Variants in RASGRF1 observed in about 807,000 individuals in gnomAD.
RASGRF1 encodes Ras protein specific guanine nucleotide releasing factor 1.
RASGRF1 carries 40 observed loss-of-function variants against 138.7 expected under a neutral mutation model. The ratio of observed to expected loss-of-function variants is 0.29; its 90% CI spans 0.22 to 0.38. The LOEUF is 0.38. Ranked by LOEUF, RASGRF1 falls within the 10% of genes least tolerant of loss-of-function variation. The pLI is 1.00. For missense variants in RASGRF1, 1,108 were observed against 1,650.4 expected (o/e 0.67, Z 5.69); for synonymous variants, 614 against 663.2 (o/e 0.93, Z 1.14).
At chr15:79,068,328 G>A (rs1484143391) in intron 1 of RASGRF1, among the ~76,000 whole-genome samples, 5 of 151,558 alleles carry the variant, frequency 3.3e-5, no homozygotes, top group Non-Finnish European at 7.4e-5. Flanking sequence ...AAGAGCACTG[G>A]AAAGGGGGTC....
At chr15:79,059,508 A>G (rs2057568069) in intron 2 of RASGRF1, among the ~76,000 whole-genome samples, 1 of 151,846 alleles carries the variant, frequency 6.6e-6, no homozygotes, top group African/African-American at 2.4e-5. Context: ...CAGAGTGAGA[A>G]GGGAACTTGG....
At chr15:79,016,335 G>A (rs1323818675) in intron 12 of RASGRF1, among the ~76,000 whole-genome samples, 2 of 152,240 alleles carry the variant, frequency 1.3e-5, no homozygotes, top group Non-Finnish European at 1.5e-5. Flanking sequence ...ACCCCAAAGA[G>A]GGAGGCTTCT....
chr15:79,079,410 A>G (rs1309130464), intron 1 of RASGRF1, among the ~76,000 whole-genome samples: 1 of 151,220 alleles, frequency 6.6e-6, no homozygotes, highest in Non-Finnish European at 1.5e-5. Context: ...CATTTGTAAT[A>G]GCAAAATACT....
chr15:79,052,862 A>G (rs2057451270), intron 3 of RASGRF1, among the ~76,000 whole-genome samples: 1 of 152,102 alleles, frequency 6.6e-6, no homozygotes, highest in Non-Finnish European at 1.5e-5. Flanking sequence ...GAGGGTGGCC[A>G]TGGAGAGGGG....
intron 15 of RASGRF1, among the ~76,000 whole-genome samples, chr15:79,002,675 T>A (rs1352220294): frequency 6.6e-6 from 1 of 152,256 alleles, no homozygotes; most frequent in Non-Finnish European, 1.5e-5. Context: ...TTTCAGAATG[T>A]GAAATTATGA....
intron 2 of RASGRF1, among the ~76,000 whole-genome samples, chr15:79,061,420 A>ATATATATATATATATATATATATATATT: frequency 6.9e-6 from 1 of 145,904 alleles, no homozygotes; most frequent in East Asian, 2.0e-4. Flanking sequence ...TAAAATATAT[A>ATATATATATATATATATATATATATATT]TATATATATA....
intron 15 of RASGRF1, 125 bp from the exon 16 acceptor site, chr15:79,001,912 CTGAAGA>C: frequency 1.6e-6 from 1 of 619,976 alleles, no homozygotes; most frequent in Non-Finnish European, 2.3e-6. Flanking sequence ...GATACAGCCA[CTGAAGA>C]AAGTTTAACA....
chr15:79,085,329 G>A (rs1296408364), intron 1 of RASGRF1, among the ~76,000 whole-genome samples: 1 of 152,150 alleles, frequency 6.6e-6, no homozygotes, highest in African/African-American at 2.4e-5. Context: ...GAAAAGTGGT[G>A]GCCTAAGCAG....
At chr15:78,967,443 G>A (rs1235516936) in intron 26 of RASGRF1, among the ~76,000 whole-genome samples, 1 of 152,110 alleles carries the variant, frequency 6.6e-6, no homozygotes, top group Non-Finnish European at 1.5e-5. Context: ...AGCTATTCAG[G>A]AGGGTGAGGT....
At chr15:78,986,094 T>G (rs2056150948) in intron 22 of RASGRF1, among the ~76,000 whole-genome samples, 1 of 152,084 alleles carries the variant, frequency 6.6e-6, no homozygotes, top group African/African-American at 2.4e-5. Context: ...TCTACCATCA[T>G]ACAACTAGAG....
In RASGRF1 at chr15:78,991,902, G is replaced by C. The variant is rs553158425; in HGVS notation, c.3028-108C>G. On this transcript the variant is annotated intron_variant, in intron 20 of 26. Coordinates refer to ENST00000558480, the MANE Select transcript of RASGRF1 (RefSeq NM_001145648.3). ...ATCTCGCCCTCGAATTGGGTGGGCGGGTGGACGGGGTATGACGCTGCCTCG... is the reference window on the plus strand; with the variant it reads ...ATCTCGCCCTCGAATTGGGTGGGCGCGTGGACGGGGTATGACGCTGCCTCG... 3.9e-6 allele frequency: 3 copies of C among 777,622 alleles called. No homozygotes were observed. The African/African-American group carries it at 5.1e-5, about 13-fold the overall frequency. The allele number at this position is 777,622 out of a possible 1,614,324, so 48.2% of individuals were successfully genotyped here.
chr15:78,995,228 C>T (rs1445272687), intron 20 of RASGRF1, among the ~76,000 whole-genome samples: 1 of 151,722 alleles, frequency 6.6e-6, no homozygotes, highest in African/African-American at 2.4e-5. Flanking sequence ...CACGCCTGGC[C>T]TCCCTCTCAC....
At chr15:78,995,404 T>C (rs1017552922) in intron 20 of RASGRF1, among the ~76,000 whole-genome samples, 3 of 124,272 alleles carry the variant, frequency 2.4e-5, no homozygotes, top group Non-Finnish European at 5.4e-5. Context: ...TTCTCCCGCC[T>C]CAGTCTCCTG....
At chr15:79,004,986 C>T (rs2056638488) in intron 14 of RASGRF1, 1 of 985,374 alleles carries the variant, frequency 1.0e-6, no homozygotes, top group Non-Finnish European at 1.2e-6. Context: ...TCTGAACCAG[C>T]CTCTTTGTTC....
At position 79,064,406 on chromosome 15, in the gene RASGRF1, G is replaced by A. The variant is rs2057648735; in HGVS notation, c.383+14C>T. ...GTGGAGTAGGGGCTTCCTGCCCTGG[G>A]CAAGGAGACATACCTGGCATGTGCA... On this transcript the variant is annotated intron_variant, in intron 2 of 26. Transcript: ENST00000558480. The A allele has an allele frequency of 1.2e-6, 2 of 1,611,724 alleles. No individual in the cohort carries two copies. Among genetic ancestry groups the A allele is most frequent in the Non-Finnish European group, 1.7e-6 (2 of 1,177,896 alleles).
intron 13 of RASGRF1, chr15:79,012,604 C>T (rs2141753245): frequency 2.6e-6 from 4 of 1,564,856 alleles, no homozygotes; most frequent in Non-Finnish European, 3.5e-6. Context: ...ACATTCCATT[C>T]ACTTTATCAC....
At position 79,027,227 on chromosome 15, in the gene RASGRF1, C is replaced by T. The variant is rs967165949; in HGVS notation, c.1381+514G>A. ...ACGGGGCCGTGCCTCTCAAACACTG[C>T]TCCCAAGGTAAGCGAGGCTGAAGCT... On this transcript the variant is annotated intron_variant, in intron 9 of 26. Coordinates refer to ENST00000558480, the MANE Select transcript of RASGRF1 (RefSeq NM_001145648.3). The surrounding 1 kb of genome is among the most constrained non-coding windows in gnomAD (Gnocchi z 4.8). Among the ~76,000 whole-genome samples, 1 of 152,190 alleles carries T rather than the reference C, an allele frequency of 6.6e-6. No homozygotes were observed. The highest frequency in any genetic ancestry group is 1.5e-5 in the Non-Finnish European group (1 of 68,034).
chr15:78,962,222 T>C lies in RASGRF1; in HGVS notation c.3696A>G (p.Leu1232=), dbSNP rs781155132. 15 of 1,570,538 alleles carry C rather than the reference T, an allele frequency of 9.6e-6. No individual in the cohort carries two copies. Among genetic ancestry groups the C allele is most frequent in the Non-Finnish European group, 1.3e-5 (15 of 1,150,176 alleles). ...IEHQAKVTQY[L]LDQSFVMDEE... is the part of the protein sequence containing the mutation. ...CATCCATTACAAAAGATTGGTCCAG[T>C]AAATATTGCGTTACCTGAGAAAAGA... Residue 1232 remains leucine (L), a synonymous_variant, in exon 27 of 27, where the codon TTA becomes TTG. Coordinates refer to ENST00000558480, the MANE Select transcript of RASGRF1 (RefSeq NM_001145648.3).
chr15:78,971,843 GA>G, intron 26 of RASGRF1, 22 bp downstream of exon 26: 6 of 1,547,170 alleles, frequency 3.9e-6, no homozygotes, highest in Non-Finnish European at 5.4e-6. Context: ...GCATGCAAGT[GA>G]CCAGGAAAAG....
Sources: gnomAD v4.1 joint callset for allele counts (sites outside exome capture counted in the v4.1 genomes callset) on GRCh38, gnomAD v4.1.1 for gene constraint, Gnocchi (gnomAD v3.1) non-coding constraint, MANE v1.5 for transcripts, NCBI Gene and HGNC (gene_info 2026-07-23, HGNC 2026-07-21) for gene names.